Variants in CCDC148 observed in about 807,000 individuals in gnomAD.
CCDC148 encodes the protein coiled-coil domain containing 148.
A neutral mutation model predicts 85.7 loss-of-function variants in CCDC148; 89 were observed. That is an observed-to-expected ratio of 1.04 (90% CI 0.87 to 1.24). The LOEUF is 1.24. CCDC148 is among the 50% of genes most tolerant of loss of function. The pLI is 0.00. For synonymous variants in CCDC148, 230 were observed against 213.9 expected (o/e 1.08, Z -0.66); for missense variants, 692 against 671.7 (o/e 1.03, Z -0.33).
chr2:158,176,413 G>A lies in CCDC148; in HGVS notation c.1629+108C>T, dbSNP rs1684588390. 3 of 1,035,956 alleles carry A rather than the reference G, an allele frequency of 2.9e-6. No individual in the cohort carries two copies. In the South Asian group the frequency reaches 5.3e-5, roughly 18 times the overall value. 64.2% of individuals were successfully genotyped at this position (1,035,956 alleles called of 1,614,324 possible). A position where few individuals can be genotyped will look rare whatever the true frequency, so the allele number is the denominator to read the frequency against. On this transcript the variant is annotated intron_variant, in intron 13 of 13. Transcript: ENST00000283233. ...AAGTAAAAATTATGCTAATATGTAA[G>A]ATATTCAAATGTAAATATTGAAAAC...
chr2:158,374,018 C>A (rs571374645), intron 1 of CCDC148, among the ~76,000 whole-genome samples: 55 of 152,174 alleles, frequency 3.6e-4, no homozygotes, highest in Middle Eastern at 3.4e-3. Flanking sequence ...AGTCCTGCAC[C>A]TAATGCATGG....
chr2:158,219,569 G>A (rs1200213979), intron 11 of CCDC148, among the ~76,000 whole-genome samples: 1 of 152,210 alleles, frequency 6.6e-6, no homozygotes, highest in Non-Finnish European at 1.5e-5. Context: ...AAGTGTTGCT[G>A]TGTCCACAGA....
chr2:158,421,054 T>C (rs1245113256), intron 1 of CCDC148, among the ~76,000 whole-genome samples: 1 of 152,164 alleles, frequency 6.6e-6, no homozygotes, highest in Non-Finnish European at 1.5e-5. Context: ...TAAATATATA[T>C]GCACTCAATA....
intron 7 of CCDC148, among the ~76,000 whole-genome samples, chr2:158,326,799 C>T (rs1044747241): frequency 2.6e-5 from 4 of 152,116 alleles, no homozygotes; most frequent in African/African-American, 9.7e-5. Flanking sequence ...CTCCCCCAGG[C>T]ATCTGGCTCC....
rs1417694026 is a variant in CCDC148 at position 158,340,642 on chromosome 2, T to C, written c.290A>G (p.Glu97Gly). 6.3e-7 allele frequency: 1 copy of C among 1,590,044 alleles called. No individual in the cohort carries two copies. Among genetic ancestry groups the C allele is most frequent in the Non-Finnish European group, 8.6e-7 (1 of 1,165,172 alleles). Residue 97 changes from glutamate (E) to glycine (G), a missense_variant, in exon 4 of 14, where the codon GAA becomes GGA. Glu to Gly is a moderately conservative substitution (Grantham distance 98). Coordinates refer to ENST00000283233, the MANE Select transcript of CCDC148 (RefSeq NM_138803.4). Reference protein sequence around the residue: ...MESEIKSLLNEENIGNECLCD... With the variant: ...MESEIKSLLNGENIGNECLCD... ...AAGACATTCATTTCCAATGTTCTCT[T>C]CATTGAGAAGGGATTTTATTTCAGA...
intron 1 of CCDC148, among the ~76,000 whole-genome samples, chr2:158,395,616 C>T (rs948010320): frequency 1.3e-5 from 2 of 152,102 alleles, no homozygotes; most frequent in Non-Finnish European, 2.9e-5. Flanking sequence ...TGCTGAACAA[C>T]ATGGACAGCC....
chr2:158,342,561 G>C (rs998065015), intron 3 of CCDC148, among the ~76,000 whole-genome samples: 1 of 152,144 alleles, frequency 6.6e-6, no homozygotes, highest in Non-Finnish European at 1.5e-5. Context: ...TCGGCACCCA[G>C]AAAGTCATAA....
chr2:158,403,248 C>A (rs1371138683), intron 1 of CCDC148, among the ~76,000 whole-genome samples: 1 of 151,672 alleles, frequency 6.6e-6, no homozygotes, highest in Admixed American at 6.6e-5. Flanking sequence ...CTGTCAACTC[C>A]AATGATATAT....
At chr2:158,338,214 C>T (rs1682487749) in intron 7 of CCDC148, among the ~76,000 whole-genome samples, 1 of 152,132 alleles carries the variant, frequency 6.6e-6, no homozygotes, top group African/African-American at 2.4e-5. Flanking sequence ...TTATATTCAC[C>T]ATGCAGAAGT....
chr2:158,362,474 G>A lies in CCDC148; in HGVS notation c.26-3904C>T, dbSNP rs182075023. 4.3e-3 allele frequency among the ~76,000 whole-genome samples: 658 copies of A among 152,252 alleles called. 13 individuals carry two copies. The highest frequency in any genetic ancestry group is 6.7e-3 in the East Asian group (35 of 5,186). ...GAATGGATATTATAGCAGTCTCTCA[G>A]ATCACAGTGCAATCAAATTAGAACT... On this transcript the variant is annotated intron_variant, in intron 1 of 13. Transcript: ENST00000283233.
chr2:158,415,253 G>T (rs1686443827), intron 1 of CCDC148, among the ~76,000 whole-genome samples: 1 of 152,052 alleles, frequency 6.6e-6, no homozygotes, highest in Non-Finnish European at 1.5e-5. Context: ...CATTCTACAT[G>T]GCTGGAGCAG....
At chr2:158,317,556 C>T (rs953778824) in intron 7 of CCDC148, among the ~76,000 whole-genome samples, 1 of 152,138 alleles carries the variant, frequency 6.6e-6, no homozygotes, top group Non-Finnish European at 1.5e-5. Context: ...CAATTGTCTC[C>T]CTAATTCTAC....
chr2:158,243,394 G>A (rs1688433924), intron 10 of CCDC148, among the ~76,000 whole-genome samples: 1 of 152,078 alleles, frequency 6.6e-6, no homozygotes, highest in African/African-American at 2.4e-5. Flanking sequence ...TACTCTCTCT[G>A]TCCCTTTCAG....
intron 1 of CCDC148, among the ~76,000 whole-genome samples, chr2:158,453,708 T>C (rs1228137223): frequency 6.6e-6 from 1 of 152,158 alleles, no homozygotes; most frequent in Non-Finnish European, 1.5e-5. Flanking sequence ...TAGGGGATAA[T>C]ATGAAAAAAA....
In CCDC148 at chr2:158,433,091, A is replaced by AAATATATATAT. The variant is rs1553521585; in HGVS notation, c.25+23323_25+23324insATATATATATT. On this transcript the variant is annotated intron_variant, in intron 1 of 13. Transcript: ENST00000283233. ...CATCTCTACAAAAAAAAAAAAAAAA[A>AAATATATATAT]ATATATATATATATATATATGACTT... 1.4e-4 allele frequency among the ~76,000 whole-genome samples: 7 copies of AAATATATATAT among 51,342 alleles called. No individual in the cohort carries two copies. In the South Asian group the frequency reaches 3.0e-3, roughly 22 times the overall value. The allele number at this position is 51,342 out of a possible 152,430, so 33.7% of individuals were successfully genotyped here.
intron 1 of CCDC148, among the ~76,000 whole-genome samples, chr2:158,397,383 G>T (rs926088989): frequency 1.3e-5 from 2 of 152,092 alleles, no homozygotes; most frequent in Non-Finnish European, 2.9e-5. Context: ...AGAGAGAAAC[G>T]TCGGGTTACC....
chr2:158,207,679 C>A (rs1018680626), intron 11 of CCDC148: 4 of 152,124 alleles, frequency 2.6e-5, no homozygotes, highest in Non-Finnish European at 1.5e-5. Context: ...TAATTTAATA[C>A]AGGCAGGCAG....
At chr2:158,302,883 G>GGTT (rs1691511105) in intron 9 of CCDC148, among the ~76,000 whole-genome samples, 1 of 152,118 alleles carries the variant, frequency 6.6e-6, no homozygotes, top group Non-Finnish European at 1.5e-5. Flanking sequence ...CTAACAGACT[G>GGTT]GTTCAGGCAG....
intron 9 of CCDC148, among the ~76,000 whole-genome samples, chr2:158,304,255 G>A (rs1466639939): frequency 6.6e-6 from 1 of 152,064 alleles, no homozygotes; most frequent in Non-Finnish European, 1.5e-5. Context: ...AAGAAGAGGA[G>A]GGCTAAAGAA....
Sources: allele counts gnomAD v4.1 joint callset (sites outside exome capture counted in the v4.1 genomes callset), GRCh38; gene constraint gnomAD v4.1.1; transcripts MANE v1.5; gene names NCBI Gene and HGNC (gene_info 2026-07-23, HGNC 2026-07-21).